Variants in AP1G1 observed in about 807,000 individuals in gnomAD.
AP1G1 encodes adaptor related protein complex 1 subunit gamma 1.
In AP1G1, 7 loss-of-function variants were observed where a neutral mutation model predicts 108.3. The observed-to-expected ratio is 0.06, with a 90% confidence interval of 0.04 to 0.12. The LOEUF is 0.12. AP1G1 is among the 10% of genes least tolerant of loss of function. The pLI is 1.00. For synonymous variants in AP1G1, 379 were observed against 353.5 expected (o/e 1.07, Z -0.81); for missense variants, 756 against 1,010.7 (o/e 0.75, Z 3.42).
At chr16:71,790,951 T>C (rs1278278006) in intron 1 of AP1G1, among the ~76,000 whole-genome samples, 2 of 152,200 alleles carry the variant, frequency 1.3e-5, no homozygotes, top group African/African-American at 4.8e-5. Context: ...CTGGGCACAG[T>C]GGCTCACGCC....
intron 13 of AP1G1, among the ~76,000 whole-genome samples, chr16:71,753,167 A>C (rs546853226): frequency 5.1e-4 from 78 of 152,158 alleles, no homozygotes; most frequent in Non-Finnish European, 4.3e-4. Context: ...CTGCACTTTC[A>C]TTTTTACTCT....
chr16:71,801,004 A>G (rs533014151), intron 1 of AP1G1, among the ~76,000 whole-genome samples: 1 of 152,140 alleles, frequency 6.6e-6, no homozygotes, highest in South Asian at 2.1e-4. Context: ...TCAAAAAAAC[A>G]AAACAAAAAT....
Position 71,768,842 on chromosome 16 carries a change from C to T in AP1G1, c.642+781G>A, listed in dbSNP as rs570332740. On this transcript the variant is annotated intron_variant, in intron 6 of 22. Coordinates refer to ENST00000299980, the MANE Select transcript of AP1G1 (RefSeq NM_001128.6). ...AGGCAGCAGGAGAATGGCATGAACC[C>T]GGGAGGCGGAACTTGCAGCGAGCCA... Among the ~76,000 whole-genome samples, 34 of 141,386 alleles carry T rather than the reference C, an allele frequency of 2.4e-4. 2 individuals are homozygous for T. Among genetic ancestry groups the T allele is most frequent in the African/African-American group, 8.9e-4 (33 of 36,938 alleles). The allele number at this position is 141,386 out of a possible 152,430, so 92.8% of individuals were successfully genotyped here.
intron 21 of AP1G1, among the ~76,000 whole-genome samples, chr16:71,736,635 G>T (rs2045550267): frequency 6.7e-6 from 1 of 149,874 alleles, no homozygotes. Flanking sequence ...GCCCAGGCTG[G>T]AGTCCAGTGG....
At chr16:71,741,693 C>A (rs945977066) in intron 19 of AP1G1, among the ~76,000 whole-genome samples, 2 of 152,140 alleles carry the variant, frequency 1.3e-5, no homozygotes, top group Non-Finnish European at 2.9e-5. Context: ...TTTGTGCAGT[C>A]CAGCAGATTA....
chr16:71,729,418 G>T lies in AP1G1; in HGVS notation c.*3640C>A, dbSNP rs2045457317. ...CAAAACACACAAAGCGCAACCGCAGGTTCTTTGAGGGAAGAAAAAAAAAAA... is the reference window on the plus strand; with the variant it reads ...CAAAACACACAAAGCGCAACCGCAGTTTCTTTGAGGGAAGAAAAAAAAAAA... On this transcript the variant is annotated 3_prime_UTR_variant, in exon 23 of 23. Transcript: ENST00000299980. 7.2e-6 allele frequency: 1 copy of T among 137,986 alleles called. No homozygotes were observed. Among genetic ancestry groups the T allele is most frequent in the African/African-American group, 2.7e-5 (1 of 36,746 alleles). 8.5% of individuals were successfully genotyped at this position (137,986 alleles called of 1,614,324 possible).
At chr16:71,734,775 C>T in intron 21 of AP1G1, 68 bp from the exon 22 acceptor site, 1 of 1,257,076 alleles carries the variant, frequency 8.0e-7, no homozygotes, top group Non-Finnish European at 1.2e-6. Flanking sequence ...ATACCAAAAA[C>T]CATTTAGACA....
intron 5 of AP1G1, among the ~76,000 whole-genome samples, chr16:71,770,947 A>C (rs1165806276): frequency 6.6e-6 from 1 of 152,218 alleles, no homozygotes; most frequent in Non-Finnish European, 1.5e-5. Flanking sequence ...ATGAAAGATA[A>C]GTTTACTATG....
chr16:71,800,308 T>C (rs1269664206), intron 1 of AP1G1, among the ~76,000 whole-genome samples: 3 of 145,514 alleles, frequency 2.1e-5, no homozygotes, highest in Non-Finnish European at 3.0e-5. Context: ...GAGGTGGAGC[T>C]TGCAGTGAGC....
intron 2 of AP1G1, among the ~76,000 whole-genome samples, chr16:71,780,268 C>T (rs1017538656): frequency 6.6e-6 from 1 of 151,946 alleles, no homozygotes. Flanking sequence ...GGATTACAGG[C>T]GTGAGCCACC....
chr16:71,781,012 C>G (rs566113118), intron 2 of AP1G1, among the ~76,000 whole-genome samples: 2 of 152,200 alleles, frequency 1.3e-5, no homozygotes, highest in East Asian at 3.9e-4. Flanking sequence ...GAGATGAGGT[C>G]TCACTATGTT....
chr16:71,780,881 C>A (rs1039300963), intron 2 of AP1G1, among the ~76,000 whole-genome samples: 1 of 151,260 alleles, frequency 6.6e-6, no homozygotes, highest in Non-Finnish European at 1.5e-5. Context: ...CGGGGTTTCA[C>A]CGTATTGCCC....
At chr16:71,794,834 G>A (rs1463224461) in intron 1 of AP1G1, among the ~76,000 whole-genome samples, 1 of 30,366 alleles carries the variant, frequency 3.3e-5, no homozygotes, top group Non-Finnish European at 5.7e-5. Flanking sequence ...CATGAGAAGT[G>A]CTTTTTTTTT....
intron 4 of AP1G1, among the ~76,000 whole-genome samples, chr16:71,771,494 TG>T (rs2031569337): frequency 6.6e-6 from 1 of 152,148 alleles, no homozygotes; most frequent in East Asian, 1.9e-4. Context: ...GAGAACAGCC[TG>T]GGCAACACAG....
chr16:71,761,517 A>G lies in AP1G1; in HGVS notation c.969T>C (p.Asn323=), dbSNP rs952394441. 1.3e-6 allele frequency: 2 copies of G among 1,589,370 alleles called. No individual in the cohort carries two copies. Among genetic ancestry groups the G allele is most frequent in the African/African-American group, 1.3e-5 (1 of 74,276 alleles). ...ACATATTTCAGTTAACTTACCTAAT[A>G]TTCTTGTCATTGTTCAATAAGAAAC... ...LGRFLLNNDK[N]IRYVALTSLL... is the part of the protein sequence containing the mutation. The change falls in exon 10 of 23, where the codon AAT becomes AAC. Residue 323 remains asparagine (N), a synonymous_variant. Transcript: ENST00000299980.
At chr16:71,789,204 C>A in intron 2 of AP1G1, 75 bp downstream of exon 2, 2 of 1,394,828 alleles carry the variant, frequency 1.4e-6, no homozygotes, top group African/African-American at 1.4e-5. Flanking sequence ...ACCTCCCCAC[C>A]AGAAAAAGAT....
At chr16:71,753,580 C>G (rs2145443266) in intron 13 of AP1G1, 1 of 461,548 alleles carries the variant, frequency 2.2e-6, no homozygotes, top group African/African-American at 2.0e-5. Context: ...CAAATGTTAT[C>G]TCCTCTGAGA....
chr16:71,780,995 T>C (rs1165080179), intron 2 of AP1G1, among the ~76,000 whole-genome samples: 1 of 152,122 alleles, frequency 6.6e-6, no homozygotes. Context: ...AACTTTTTAC[T>C]TTTGTAGAGA....
At chr16:71,768,965 T>TAA (rs11374038) in intron 6 of AP1G1, among the ~76,000 whole-genome samples, 886 of 71,480 alleles carry the variant, frequency 0.012, 20 homozygotes, top group Non-Finnish European at 0.014. Context: ...TTCCTGCCTT[T>TAA]AAAAAAAAAA....
Sources: allele counts gnomAD v4.1 joint callset (sites outside exome capture counted in the v4.1 genomes callset), GRCh38; gene constraint gnomAD v4.1.1; transcripts MANE v1.5; gene names NCBI Gene and HGNC (gene_info 2026-07-23, HGNC 2026-07-21).